PDGFRL: variants seen among roughly 807,000 people sequenced by gnomAD.
PDGFRL encodes the protein platelet-derived growth factor receptor-like protein.
A neutral mutation model predicts 37.2 loss-of-function variants in PDGFRL; 46 were observed. The ratio of observed to expected loss-of-function variants is 1.24; its 90% CI spans 0.98 to 1.58. The LOEUF is 1.58. PDGFRL is among the 40% of genes most tolerant of loss of function. PDGFRL has a pLI of 0.00. For missense variants in PDGFRL, 692 were observed against 467.6 expected, an observed-to-expected ratio of 1.48 and a Z score of -4.43; for synonymous variants, 251 against 184.3, an observed-to-expected ratio of 1.36 and a Z score of -2.93.
intron 2 of PDGFRL, among the ~76,000 whole-genome samples, chr8:17,602,000 G>A (rs1490143651): frequency 6.6e-6 from 1 of 152,098 alleles, no homozygotes; most frequent in Non-Finnish European, 1.5e-5. Flanking sequence ...GGGATTGCTG[G>A]CCCACATGGT....
At chr8:17,641,219 G>C (rs544038530) in intron 5 of PDGFRL, among the ~76,000 whole-genome samples, 11 of 152,308 alleles carry the variant, frequency 7.2e-5, no homozygotes, top group Admixed American at 5.9e-4. Flanking sequence ...AAGCAAACAG[G>C]GTTTTCAGAT....
chr8:17,583,178 GC>G (rs1257565395), intron 1 of PDGFRL, among the ~76,000 whole-genome samples: 1 of 152,048 alleles, frequency 6.6e-6, no homozygotes, highest in Non-Finnish European at 1.5e-5. Flanking sequence ...GCCTGAGTGT[GC>G]GAGCAGAAGC....
chr8:17,584,482 A>C (rs921821905), intron 1 of PDGFRL, among the ~76,000 whole-genome samples: 1 of 152,008 alleles, frequency 6.6e-6, no homozygotes, highest in Non-Finnish European at 1.5e-5. Context: ...TTAGAGAGTG[A>C]AGAGTAGTTA....
intron 3 of PDGFRL, among the ~76,000 whole-genome samples, chr8:17,623,581 A>G (rs752465872): frequency 6.6e-6 from 1 of 152,188 alleles, no homozygotes; most frequent in Non-Finnish European, 1.5e-5. Flanking sequence ...TCCTATTAAT[A>G]TTATGGGCTC....
intron 5 of PDGFRL, among the ~76,000 whole-genome samples, chr8:17,635,137 T>C (rs926476044): frequency 1.3e-5 from 2 of 152,148 alleles, no homozygotes; most frequent in African/African-American, 4.8e-5. Context: ...TTTTAATATA[T>C]TTTGTCATTT....
At chr8:17,592,932 ACACACACACACACACAC>A (rs1563508745) in intron 2 of PDGFRL, among the ~76,000 whole-genome samples, 1 of 150,112 alleles carries the variant, frequency 6.7e-6, no homozygotes. Flanking sequence ...ACACACACAC[ACACACACACACACACAC>A]ACTACTCTAC....
At chr8:17,590,556 A>G (rs1056535186) in intron 2 of PDGFRL, among the ~76,000 whole-genome samples, 27 of 151,938 alleles carry the variant, frequency 1.8e-4, no homozygotes, top group Non-Finnish European at 3.4e-4. Flanking sequence ...TACAAGAAAT[A>G]TAAATTAGCC....
intron 5 of PDGFRL, among the ~76,000 whole-genome samples, chr8:17,640,189 T>G (rs1363741544): frequency 6.7e-6 from 1 of 149,300 alleles, no homozygotes; most frequent in Non-Finnish European, 1.5e-5. Context: ...ATATCCTGTA[T>G]CTTTTTTGAT....
At chr8:17,582,207 A>T (rs537628996) in intron 1 of PDGFRL, among the ~76,000 whole-genome samples, 1 of 152,276 alleles carries the variant, frequency 6.6e-6, no homozygotes, top group South Asian at 2.1e-4. Context: ...TTGGAAGGCC[A>T]CACTTAAGAG....
intron 1 of PDGFRL, 123 bp downstream of exon 1, chr8:17,577,430 C>A: frequency 1.3e-6 from 1 of 793,188 alleles, no homozygotes; most frequent in Non-Finnish European, 2.1e-6. Context: ...TCAGCCCCCG[C>A]GCCACTGCCT....
Position 17,577,321 on chromosome 8 carries a change from G to C in PDGFRL, c.55+14G>C. The C allele has an allele frequency of 1.2e-6, 2 of 1,608,904 alleles. No individual in the cohort carries two copies. The highest frequency in any genetic ancestry group is 2.2e-5 in the South Asian group (2 of 90,248). On this transcript the variant is annotated intron_variant, in intron 1 of 5. Transcript: ENST00000251630. ...CGCTGGAGGATGGTGAGTGACTCTGGGCGCGGGGCCACCTAGCTTGTGCCC... is the reference window on the plus strand; with the variant it reads ...CGCTGGAGGATGGTGAGTGACTCTGCGCGCGGGGCCACCTAGCTTGTGCCC...
intron 2 of PDGFRL, among the ~76,000 whole-genome samples, chr8:17,608,024 A>C (rs1804320034): frequency 6.6e-6 from 1 of 152,114 alleles, no homozygotes; most frequent in Admixed American, 6.6e-5. Context: ...TGCCCTGGGG[A>C]GTCCGCCCAG....
In PDGFRL at chr8:17,595,968, G is replaced by C. The variant is rs145142953; in HGVS notation, c.353+6203G>C. Among the ~76,000 whole-genome samples, 772 of 152,336 alleles carry C rather than the reference G, an allele frequency of 5.1e-3. 7 individuals carry two copies. Among genetic ancestry groups the C allele is most frequent in the African/African-American group, 0.018 (737 of 41,572 alleles). ...GTTCCTCAGGTTGAGCCTCCAGTGG[G>C]TGAAACCTGGGAGTCCTCAACCTTA... On this transcript the variant is annotated intron_variant, in intron 2 of 5. Transcript: ENST00000251630.
At chr8:17,588,536 G>A (rs921754400) in intron 1 of PDGFRL, among the ~76,000 whole-genome samples, 7 of 152,034 alleles carry the variant, frequency 4.6e-5, no homozygotes, top group Non-Finnish European at 8.8e-5. Flanking sequence ...AGCTCAGCAT[G>A]GTCTCACATA....
intron 2 of PDGFRL, among the ~76,000 whole-genome samples, chr8:17,608,436 C>T (rs568949387): frequency 1.3e-5 from 2 of 152,074 alleles, no homozygotes; most frequent in South Asian, 2.1e-4. Flanking sequence ...TGCCCTCATG[C>T]GTTTATTTAC....
chr8:17,628,373 G>A (rs73666198), intron 3 of PDGFRL, 114 bp from the exon 4 acceptor site: 4 of 728,956 alleles, frequency 5.5e-6, no homozygotes, highest in African/African-American at 1.8e-5. Context: ...AAGAAAACCC[G>A]GCCTTTCCTA....
intron 2 of PDGFRL, among the ~76,000 whole-genome samples, chr8:17,591,875 C>G (rs1283673996): frequency 6.6e-6 from 1 of 152,146 alleles, no homozygotes; most frequent in African/African-American, 2.4e-5. Flanking sequence ...GAGATCAGGC[C>G]ACTGTGCTCC....
Position 17,589,349 on chromosome 8 carries a change from GCCCT to G in PDGFRL, c.56-116_56-113del, listed in dbSNP as rs946880822. 6.8e-6 allele frequency: 5 copies of G among 737,672 alleles called. No individual in the cohort carries two copies. The African/African-American group carries it at 8.8e-5, about 13-fold the overall frequency. The allele number at this position is 737,672 out of a possible 1,614,324, so 45.7% of individuals were successfully genotyped here. ...TGCAGTGAGCTGAGATTATGCCACT[GCCCT>G]CCAACCTGGGCAATAGAGTAAGAAT... On this transcript the variant is annotated intron_variant, in intron 1 of 5. Coordinates refer to ENST00000251630, the MANE Select transcript of PDGFRL (RefSeq NM_001372073.1).
At chr8:17,603,173 G>A (rs1268551705) in intron 2 of PDGFRL, among the ~76,000 whole-genome samples, 1 of 152,100 alleles carries the variant, frequency 6.6e-6, no homozygotes, top group Admixed American at 6.6e-5. Flanking sequence ...TAGTAGAGAC[G>A]GGGTTTTGCG....
Sources: gnomAD v4.1 joint callset for allele counts (sites outside exome capture counted in the v4.1 genomes callset) on GRCh38, gnomAD v4.1.1 for gene constraint, MANE v1.5 for transcripts, NCBI Gene and HGNC (gene_info 2026-07-23, HGNC 2026-07-21) for gene names.